The following NKAIN3 variants were observed in gnomAD, a reference collection of about 807,000 sequenced individuals.
The protein encoded by NKAIN3 is sodium/potassium transporting ATPase interacting 3.
A neutral mutation model predicts 30.2 loss-of-function variants in NKAIN3; 25 were observed. The ratio of observed to expected loss-of-function variants is 0.83; its 90% CI spans 0.60 to 1.16. The LOEUF is 1.16. Among genes scored for constraint, NKAIN3 ranks in the 50% most tolerant of loss-of-function variants. The pLI is 0.00. For synonymous variants in NKAIN3, 91 were observed against 89.6 expected (o/e 1.02, Z -0.09); for missense variants, 225 against 254.1 (o/e 0.89, Z 0.78).
At chr8:62,508,631 TC>T (rs888103560) in intron 1 of NKAIN3, among the ~76,000 whole-genome samples, 1 of 152,174 alleles carries the variant, frequency 6.6e-6, no homozygotes, top group Admixed American at 6.5e-5. Flanking sequence ...TCCAAAGTGT[TC>T]TTCAAAGACG....
intron 3 of NKAIN3, among the ~76,000 whole-genome samples, chr8:62,612,128 G>A (rs777124101): frequency 2.0e-5 from 3 of 151,712 alleles, no homozygotes; most frequent in Non-Finnish European, 4.4e-5. Flanking sequence ...CCTATTTTTT[G>A]ATCAGATTAT....
At chr8:62,282,610 T>C (rs878862165) in intron 1 of NKAIN3, among the ~76,000 whole-genome samples, 1 of 152,156 alleles carries the variant, frequency 6.6e-6, no homozygotes, top group Non-Finnish European at 1.5e-5. Context: ...AAAAGACATA[T>C]GCCCCTTTGT....
chr8:62,253,748 A>T (rs1223424568), intron 1 of NKAIN3, among the ~76,000 whole-genome samples: 1 of 152,132 alleles, frequency 6.6e-6, no homozygotes, highest in Non-Finnish European at 1.5e-5. Context: ...ATGTGTTAAG[A>T]GGTGTCTGTA....
In NKAIN3 at chr8:62,799,086, G is replaced by C. The variant is rs1053796533; in HGVS notation, c.471+51957G>C. Reference sequence around the variant, plus strand: ...GCTGGTTAAATGTTTTCTTTATCAAGTTTAAATTGTTGTTGGGACTGGAAA... The same window carrying C: ...GCTGGTTAAATGTTTTCTTTATCAACTTTAAATTGTTGTTGGGACTGGAAA... On this transcript the variant is annotated intron_variant, in intron 4 of 6. Transcript: ENST00000623646. 6.9e-4 allele frequency among the ~76,000 whole-genome samples: 105 copies of C among 152,270 alleles called. 1 individual carries two copies. Among genetic ancestry groups the C allele is most frequent in the African/African-American group, 2.5e-3 (103 of 41,560 alleles).
At chr8:62,784,251 C>G (rs79536095) in intron 4 of NKAIN3, among the ~76,000 whole-genome samples, 1,555 of 151,516 alleles carry the variant, frequency 0.01, 27 homozygotes, top group African/African-American at 0.034. Context: ...ATCCCTAAAG[C>G]AAGCAGAAGT....
chr8:62,373,625 A>C (rs959715913), intron 1 of NKAIN3, among the ~76,000 whole-genome samples: 1 of 152,204 alleles, frequency 6.6e-6, no homozygotes, highest in Non-Finnish European at 1.5e-5. Context: ...GGATCATTTG[A>C]TGTAAGGTTG....
intron 3 of NKAIN3, among the ~76,000 whole-genome samples, chr8:62,645,345 G>C (rs778763370): frequency 1.3e-5 from 2 of 152,088 alleles, no homozygotes; most frequent in Non-Finnish European, 2.9e-5. Flanking sequence ...TGTAAGTAGA[G>C]AAAAATCCTA....
intron 5 of NKAIN3, among the ~76,000 whole-genome samples, chr8:62,995,755 A>G (rs1191658691): frequency 6.6e-6 from 1 of 152,238 alleles, no homozygotes; most frequent in Non-Finnish European, 1.5e-5. Context: ...CAAGTTGTTC[A>G]CCATAGATAT....
chr8:62,652,183 C>T (rs947149033), intron 3 of NKAIN3, among the ~76,000 whole-genome samples: 1 of 152,056 alleles, frequency 6.6e-6, no homozygotes, highest in African/African-American at 2.4e-5. Flanking sequence ...GATTAGGTTT[C>T]AATGTATCAA....
chr8:62,632,375 C>T (rs893276257), intron 3 of NKAIN3, among the ~76,000 whole-genome samples: 1 of 152,052 alleles, frequency 6.6e-6, no homozygotes, highest in Non-Finnish European at 1.5e-5. Flanking sequence ...ATCAAGATAC[C>T]TTTTACATAT....
intron 4 of NKAIN3, among the ~76,000 whole-genome samples, chr8:62,762,191 C>T (rs1360538120): frequency 6.6e-6 from 1 of 152,036 alleles, no homozygotes; most frequent in East Asian, 1.9e-4. Flanking sequence ...TGGTGGGCAC[C>T]TGTAATCCCA....
At position 62,974,934 on chromosome 8, in the gene NKAIN3, A is replaced by G. The variant is rs147613772; in HGVS notation, c.*9527A>G. On this transcript the variant is annotated 3_prime_UTR_variant, in exon 7 of 7. Transcript: ENST00000623646. ...TTGAGATAATCATGTGGTTTTTGTC[A>G]TTGGTTCTGTTTATGTGATGGATTA... Among the ~76,000 whole-genome samples the G allele has an allele frequency of 5.7e-4, 87 of 152,200 alleles. No individual in the cohort carries two copies. The highest frequency in any genetic ancestry group is 1.9e-3 in the South Asian group (9 of 4,818).
Position 62,877,361 on chromosome 8 carries a change from A to G in NKAIN3, c.472-41092A>G, listed in dbSNP as rs147088326. Among the ~76,000 whole-genome samples the G allele has an allele frequency of 3.3e-4, 51 of 152,376 alleles. No homozygotes were observed. In the East Asian group the frequency reaches 8.5e-3, roughly 25 times the overall value. Reference sequence around the variant, plus strand: ...AATTAGGCGGCCTCGGAATGGAGGCACTTAAGGTAGAAATGCAAATACACG... The same window carrying G: ...AATTAGGCGGCCTCGGAATGGAGGCGCTTAAGGTAGAAATGCAAATACACG... On this transcript the variant is annotated intron_variant, in intron 4 of 6. Coordinates refer to ENST00000623646, the MANE Select transcript of NKAIN3 (RefSeq NM_001304533.3).
At chr8:62,856,465 C>A in intron 4 of NKAIN3, 1 of 786,028 alleles carries the variant, frequency 1.3e-6, no homozygotes, top group Non-Finnish European at 2.3e-6. Flanking sequence ...TATGTCAAAG[C>A]CCCCAGGTTT....
chr8:62,361,623 T>G lies in NKAIN3; in HGVS notation c.54+112496T>G, dbSNP rs373188390. Reference sequence around the variant, plus strand: ...GAGACAAATGAATTATTTAAAATCCTTGCAGGTCTATGATTTTGTTAAACG... The same window carrying G: ...GAGACAAATGAATTATTTAAAATCCGTGCAGGTCTATGATTTTGTTAAACG... On this transcript the variant is annotated intron_variant, in intron 1 of 6. Transcript: ENST00000623646. 5.3e-3 allele frequency among the ~76,000 whole-genome samples: 804 copies of G among 152,364 alleles called. 4 individuals carry two copies. Among genetic ancestry groups the G allele is most frequent in the African/African-American group, 0.018 (769 of 41,586 alleles).
At chr8:62,376,579 C>T (rs1817090727) in intron 1 of NKAIN3, among the ~76,000 whole-genome samples, 1 of 152,150 alleles carries the variant, frequency 6.6e-6, no homozygotes, top group African/African-American at 2.4e-5. Context: ...TGCATCTTGG[C>T]CTGTCTACCT....
intron 3 of NKAIN3, among the ~76,000 whole-genome samples, chr8:62,634,578 T>C (rs1812067356): frequency 6.6e-6 from 1 of 152,200 alleles, no homozygotes; most frequent in African/African-American, 2.4e-5. Flanking sequence ...TAGACAACTG[T>C]TATTCTCAGA....
At chr8:62,258,363 T>C (rs1385815458) in intron 1 of NKAIN3, among the ~76,000 whole-genome samples, 1 of 152,158 alleles carries the variant, frequency 6.6e-6, no homozygotes, top group Admixed American at 6.5e-5. Flanking sequence ...AAGAATCAGA[T>C]TGGCTGGGCA....
chr8:62,345,551 A>G (rs1216973984), intron 1 of NKAIN3, among the ~76,000 whole-genome samples: 1 of 145,974 alleles, frequency 6.9e-6, no homozygotes, highest in Non-Finnish European at 1.5e-5. Flanking sequence ...ATACACATAT[A>G]TGTATATATA....
Sources: allele counts gnomAD v4.1 joint callset (sites outside exome capture counted in the v4.1 genomes callset), GRCh38; gene constraint gnomAD v4.1.1; transcripts MANE v1.5; gene names NCBI Gene and HGNC (gene_info 2026-07-23, HGNC 2026-07-21).